TNRC18: variants seen among roughly 807,000 people sequenced by gnomAD.
TNRC18 encodes trinucleotide repeat containing 18.
In TNRC18, 69 loss-of-function variants were observed where a neutral mutation model predicts 226.7. The observed-to-expected ratio is 0.30, with a 90% CI of 0.25 to 0.37. TNRC18 has a LOEUF of 0.37. Ranked by LOEUF, TNRC18 falls within the 10% of genes least tolerant of loss-of-function variation. The pLI is 1.00. For missense variants in TNRC18, 4,754 were observed against 4,256.6 expected (o/e 1.12, Z -3.25); for synonymous variants, 2,449 against 1,927.6 (o/e 1.27, Z -7.09).
chr7:5,321,001 GCA>G, intron 22 of TNRC18, 70 bp downstream of exon 22: 1 of 1,110,904 alleles, frequency 9.0e-7, no homozygotes, highest in Non-Finnish European at 1.3e-6. Flanking sequence ...AAGCAGCCAG[GCA>G]CAGAGGCGGC....
Position 5,357,199 on chromosome 7 carries a change from G to C in TNRC18, c.4911C>G (p.Thr1637=). The change falls in exon 16 of 30, where the codon ACC becomes ACG. Residue 1637 remains threonine (T), a synonymous_variant. Transcript: ENST00000430969. The stretch of plus-strand genomic sequence containing the variant: ...AGGGCGACTTCAACTTGTCCTGCTT[G>C]GTGAGGGAGAGGGCCTTGTCGAGCT... The part of the protein sequence containing the change: ...ASKLDKALSL[T]KQDKLKSPFK... 6.2e-7 allele frequency: 1 copy of C among 1,611,548 alleles called. No homozygotes were observed. The highest frequency in any genetic ancestry group is 8.5e-7 in the Non-Finnish European group (1 of 1,178,984).
chr7:5,360,067 G>GC (rs1430277165), intron 14 of TNRC18, among the ~76,000 whole-genome samples: 1 of 151,964 alleles, frequency 6.6e-6, no homozygotes. Flanking sequence ...TGGCTTAGAA[G>GC]CCCCACTTGC....
At chr7:5,311,192 A>G (rs62441158) in intron 27 of TNRC18, among the ~76,000 whole-genome samples, 55 of 151,838 alleles carry the variant, frequency 3.6e-4, no homozygotes, top group Non-Finnish European at 6.5e-4. Flanking sequence ...GTGCACACAT[A>G]TGTGCGTGTG....
At chr7:5,378,881 G>A (rs1452402354) in intron 5 of TNRC18, among the ~76,000 whole-genome samples, 1 of 146,806 alleles carries the variant, frequency 6.8e-6, no homozygotes, top group Non-Finnish European at 1.5e-5. Flanking sequence ...TGTGTCCCAA[G>A]ACAGTTTAAA....
intron 18 of TNRC18, among the ~76,000 whole-genome samples, chr7:5,344,479 A>T (rs1583846844): frequency 6.6e-6 from 1 of 152,092 alleles, no homozygotes; most frequent in East Asian, 1.9e-4. Context: ...GAGGAGGGGG[A>T]AGGCAGGGTC....
intron 1 of TNRC18, among the ~76,000 whole-genome samples, chr7:5,421,825 C>T (rs1402059304): frequency 6.6e-6 from 1 of 152,246 alleles, no homozygotes; most frequent in African/African-American, 2.4e-5. Context: ...GGCGTAAATA[C>T]AAACCTCCTA....
intron 13 of TNRC18, 30 bp downstream of exon 13, chr7:5,361,867 C>T (rs759053870): frequency 4.8e-5 from 73 of 1,523,972 alleles, no homozygotes; most frequent in Non-Finnish European, 6.2e-5. Context: ...GGGGCAGGGG[C>T]CCCACGGGGC....
At chr7:5,326,303 C>T (rs913933809) in intron 19 of TNRC18, among the ~76,000 whole-genome samples, 3 of 152,166 alleles carry the variant, frequency 2.0e-5, no homozygotes, top group Non-Finnish European at 4.4e-5. Flanking sequence ...AACGTTTCCC[C>T]TCAACATGAC....
chr7:5,388,584 G>T lies in TNRC18; in HGVS notation c.1240C>A (p.Pro414Thr). The T allele has an allele frequency of 7.7e-7, 1 of 1,300,454 alleles. No individual in the cohort carries two copies. The highest frequency in any genetic ancestry group is 9.8e-7 in the Non-Finnish European group (1 of 1,025,554). 80.6% of individuals were successfully genotyped at this position (1,300,454 alleles called of 1,614,324 possible). A position where few individuals can be genotyped will look rare whatever the true frequency, so the allele number is the denominator to read the frequency against. The part of the protein sequence containing the change: ...AGRPGVLQAP[P>T]GSPRPLDRPE... Reference sequence around the variant, plus strand: ...CGGTCCAGAGGCCGCGGGGAGCCGGGGGGCGCCTGCAGGACCCCTGGCCTG... The same window carrying T: ...CGGTCCAGAGGCCGCGGGGAGCCGGTGGGCGCCTGCAGGACCCCTGGCCTG... Residue 414 changes from proline to threonine, a missense_variant, in exon 5 of 30, where the codon CCC becomes ACC. Transcript: ENST00000430969.
chr7:5,354,838 G>A lies in TNRC18; in HGVS notation c.5194+2078C>T, dbSNP rs190636692. 8.9e-3 allele frequency among the ~76,000 whole-genome samples: 1,354 copies of A among 152,236 alleles called. 12 individuals carry two copies. The highest frequency in any genetic ancestry group is 0.018 in the South Asian group (86 of 4,824). On this transcript the variant is annotated intron_variant, in intron 16 of 29. Coordinates refer to ENST00000430969, the MANE Select transcript of TNRC18 (RefSeq NM_001080495.3). ...CTCACTTAAGGCCCCCAACGACCCC[G>A]TAAAGCAGGTGACGATATCTTAACT... is the stretch of plus-strand genomic sequence containing the variant.
chr7:5,374,118 C>A lies in TNRC18; in HGVS notation c.3166G>T (p.Val1056Phe). 6.4e-7 allele frequency: 1 copy of A among 1,574,376 alleles called. No homozygotes were observed. Among genetic ancestry groups the A allele is most frequent in the Non-Finnish European group, 8.6e-7 (1 of 1,163,044 alleles). ...TRKEEAPENV[V>F]EKKDLELEKE... is the part of the protein sequence containing the mutation. ...TCCAACTCCAAGTCTTTCTTCTCGA[C>A]CACATTCTCGGGAGCCTCCTCCTTG... Residue 1056 changes from valine to phenylalanine, a missense_variant, in exon 10 of 30, where the codon GTC (valine) becomes TTC (phenylalanine). By Grantham distance (50) the Val-to-Phe change is conservative. Transcript: ENST00000430969.
At chr7:5,412,984 G>C (rs1781938178) in intron 2 of TNRC18, among the ~76,000 whole-genome samples, 1 of 152,216 alleles carries the variant, frequency 6.6e-6, no homozygotes, top group South Asian at 2.1e-4. Context: ...TAGTGGCCTA[G>C]ACTTCCTCCC....
chr7:5,394,514 G>A lies in TNRC18; in HGVS notation c.269C>T (p.Ser90Phe). 1 of 1,556,634 alleles carries A rather than the reference G, an allele frequency of 6.4e-7. No individual in the cohort carries two copies. The highest frequency in any genetic ancestry group is 8.7e-7 in the Non-Finnish European group (1 of 1,152,308). ...SSHGSPVPLP[S>F]DLSFRSPTPS... ...GGTTGGGGAGCGGAAAGACAGGTCA[G>A]AGGGCAGTGGCACTGGGCTCCCATG... The change falls in exon 3 of 30, where the codon TCT becomes TTT. Residue 90 changes from serine to phenylalanine, a missense_variant. Physicochemically the swap from Ser to Phe is radical, Grantham distance 155 (BLOSUM62 -2). Transcript: ENST00000430969. The surrounding 1 kb of genome is among the most constrained non-coding windows in gnomAD (Gnocchi z 4.5).
intron 2 of TNRC18, among the ~76,000 whole-genome samples, chr7:5,395,911 C>T (rs1780646712): frequency 2.0e-5 from 3 of 151,622 alleles, no homozygotes; most frequent in Admixed American, 1.3e-4. Context: ...GCAGGAGAAT[C>T]GCTTGAAGCT....
At chr7:5,368,487 A>AT (rs1793847331) in intron 11 of TNRC18, among the ~76,000 whole-genome samples, 1 of 151,916 alleles carries the variant, frequency 6.6e-6, no homozygotes, top group Non-Finnish European at 1.5e-5. Flanking sequence ...ACATGGTGAA[A>AT]CCCCATCTCC....
intron 11 of TNRC18, among the ~76,000 whole-genome samples, chr7:5,365,914 A>T (rs2128166632): frequency 6.6e-6 from 1 of 152,258 alleles, no homozygotes; most frequent in South Asian, 2.1e-4. Context: ...TACTAAAAAT[A>T]CAAAAAACTA....
At position 5,371,285 on chromosome 7, in the gene TNRC18, G is replaced by T. The variant is rs10215902; in HGVS notation, c.3309C>A (p.Ala1103=). Residue 1103 remains alanine (A), a synonymous_variant, in exon 11 of 30, where the codon GCC becomes GCA. Transcript: ENST00000430969. ...RPYPFLLQPT[A]AADADGLAPD... The stretch of plus-strand genomic sequence containing the variant: ...GGGCCAAGCCGTCCGCGTCGGCGGC[G>T]GCCGTGGGCTGCAGCAGGAAAGGGT... 3.4e-5 allele frequency: 54 copies of T among 1,579,062 alleles called. No homozygotes were observed. The African/African-American group carries it at 6.3e-4, about 19-fold the overall frequency.
chr7:5,377,800 GCT>G lies in TNRC18; in HGVS notation c.2255+120_2255+121del, dbSNP rs1779105626. The G allele has an allele frequency of 9.4e-7, 1 of 1,059,592 alleles. No individual in the cohort carries two copies. Among genetic ancestry groups the G allele is most frequent in the Admixed American group, 2.3e-5 (1 of 44,178 alleles). The allele number at this position is 1,059,592 out of a possible 1,614,324, so 65.6% of individuals were successfully genotyped here. A position where few individuals can be genotyped will look rare whatever the true frequency, so the allele number is the denominator to read the frequency against. On this transcript the variant is annotated intron_variant, in intron 6 of 29. Transcript: ENST00000430969. This position sits in a 1 kb window ranked among gnomAD's most constrained non-coding sequence, Gnocchi z 5.8. ...GATGCTGAGGACCAGAGTGACTCCC[GCT>G]CTCAGTACCATAGCATCCATGGTCG...
chr7:5,390,508 T>C lies in TNRC18; in HGVS notation c.464A>G (p.Gln155Arg). The change falls in exon 4 of 30, where the codon CAG (glutamine) becomes CGG (arginine). Residue 155 changes from glutamine (Q) to arginine (R), a missense_variant. By Grantham distance (43) the Gln-to-Arg change is conservative. Transcript: ENST00000430969. ...ACCTCCTCCTGGCCCCTGACCTTTC[T>C]GGGTATCGAAAATGCTGGGCTGACC... Reference protein sequence around the residue: ...QLGQPSIFDTQKGQGPGGDGF... With the variant: ...QLGQPSIFDTRKGQGPGGDGF... 6.2e-7 allele frequency: 1 copy of C among 1,613,580 alleles called. No individual in the cohort carries two copies. Among genetic ancestry groups the C allele is most frequent in the Admixed American group, 1.7e-5 (1 of 59,992 alleles).
Sources: allele counts gnomAD v4.1 joint callset (sites outside exome capture counted in the v4.1 genomes callset), GRCh38; gene constraint gnomAD v4.1.1; non-coding constraint Gnocchi (gnomAD v3.1); transcripts MANE v1.5; gene names NCBI Gene and HGNC (gene_info 2026-07-23, HGNC 2026-07-21).